The following DLG1 variants were observed in gnomAD, a reference collection of about 807,000 sequenced individuals.
DLG1 encodes discs large MAGUK scaffold protein 1, also known as disks large homolog 1.
In DLG1, 42 loss-of-function variants were observed where a neutral mutation model predicts 123.4. That is an observed-to-expected ratio of 0.34 (90% CI 0.27 to 0.44). The LOEUF (loss-of-function observed/expected upper bound fraction) is 0.44. DLG1 is among the 20% of genes least tolerant of loss of function. DLG1 has a pLI of 1.00. For synonymous variants in DLG1, 317 were observed against 356.2 expected, an observed-to-expected ratio of 0.89 and a Z score of 1.24; for missense variants, 942 against 1,082.6, an observed-to-expected ratio of 0.87 and a Z score of 1.82.
intron 5 of DLG1, among the ~76,000 whole-genome samples, chr3:197,159,819 C>T (rs1352268886): frequency 6.6e-6 from 1 of 152,058 alleles, no homozygotes. Context: ...TGAAGCTATG[C>T]AGAATAAATA....
At chr3:197,297,972 C>T (rs1253529674) in intron 1 of DLG1, 2 of 972,556 alleles carry the variant, frequency 2.1e-6, no homozygotes, top group Non-Finnish European at 2.4e-6. Context: ...CGCACCCCCG[C>T]GGCCTCGTCC....
intron 11 of DLG1, among the ~76,000 whole-genome samples, chr3:197,129,917 G>A (rs2149530801): frequency 6.6e-6 from 1 of 152,130 alleles, no homozygotes; most frequent in East Asian, 1.9e-4. Context: ...TAACATCAAA[G>A]ACTAGTGATC....
rs1328508288 is a variant in DLG1 at position 197,043,210 on chromosome 3, T to C, written c.*1413A>G. On this transcript the variant is annotated 3_prime_UTR_variant, in exon 25 of 25. Coordinates refer to ENST00000667157, the MANE Select transcript of DLG1 (RefSeq NM_001366207.1). ...TGCAATTCTAGTGCAGAGCAGTGGA[T>C]GAAAGCTGTCTGAGGGGAAAACACA... 2.0e-5 allele frequency: 3 copies of C among 152,080 alleles called. No individual in the cohort carries two copies. The highest frequency in any genetic ancestry group is 7.2e-5 in the African/African-American group (3 of 41,444). The allele number at this position is 152,080 out of a possible 1,614,324, so 9.4% of individuals were successfully genotyped here. A position where few individuals can be genotyped will look rare whatever the true frequency, so the allele number is the denominator to read the frequency against.
At chr3:197,097,442 A>G (rs973795525) in intron 14 of DLG1, among the ~76,000 whole-genome samples, 1 of 152,096 alleles carries the variant, frequency 6.6e-6, no homozygotes, top group Non-Finnish European at 1.5e-5. Context: ...TTTGGGGTTC[A>G]TAGGATATCT....
intron 5 of DLG1, among the ~76,000 whole-genome samples, chr3:197,180,077 G>C (rs1393794653): frequency 7.9e-6 from 1 of 127,030 alleles, no homozygotes; most frequent in Non-Finnish European, 1.7e-5. Context: ...TGGGGGGGGG[G>C]GGGCTTTTTG....
chr3:197,103,499 C>T (rs1764664411), intron 14 of DLG1, among the ~76,000 whole-genome samples: 1 of 151,722 alleles, frequency 6.6e-6, no homozygotes, highest in Non-Finnish European at 1.5e-5. Context: ...ACATAGGGTC[C>T]CATTGGCAGA....
chr3:197,242,607 A>G (rs1200169721), intron 4 of DLG1, among the ~76,000 whole-genome samples: 2 of 152,128 alleles, frequency 1.3e-5, no homozygotes, highest in East Asian at 1.9e-4. Flanking sequence ...CACAAAAAGA[A>G]TAAAAATACA....
At chr3:197,188,410 C>T (rs1406347403) in intron 5 of DLG1, among the ~76,000 whole-genome samples, 2 of 152,216 alleles carry the variant, frequency 1.3e-5, no homozygotes, top group African/African-American at 4.8e-5. Context: ...ATACTAATCA[C>T]TGATGTCTAA....
intron 4 of DLG1, among the ~76,000 whole-genome samples, chr3:197,231,594 G>C (rs1290361784): frequency 2.0e-5 from 3 of 151,712 alleles, no homozygotes; most frequent in African/African-American, 7.3e-5. Context: ...CCAGCTACTC[G>C]GGGGGCTGAG....
Position 197,043,356 on chromosome 3 carries a change from A to T in DLG1, c.*1267T>A, listed in dbSNP as rs963626090. On this transcript the variant is annotated 3_prime_UTR_variant, in exon 25 of 25. Coordinates refer to ENST00000667157, the MANE Select transcript of DLG1 (RefSeq NM_001366207.1). ...AGTAACAACACGGACAACAACAAAAAACCTCAGGAACCATTTGAAAACCTT... is the reference window on the plus strand; with the variant it reads ...AGTAACAACACGGACAACAACAAAATACCTCAGGAACCATTTGAAAACCTT... The T allele has an allele frequency of 3.9e-5, 6 of 152,138 alleles. No individual in the cohort carries two copies. The highest frequency in any genetic ancestry group is 1.4e-4 in the African/African-American group (6 of 41,424). The allele number at this position is 152,138 out of a possible 1,614,324, so 9.4% of individuals were successfully genotyped here.
chr3:197,065,188 T>C lies in DLG1; in HGVS notation c.2373+88A>G, dbSNP rs553746655. 119 of 1,218,632 alleles carry C rather than the reference T, an allele frequency of 9.8e-5. 1 individual carries two copies. The South Asian group carries it at 2.6e-3, about 27-fold the overall frequency. 75.5% of individuals were successfully genotyped at this position (1,218,632 alleles called of 1,614,324 possible). A position where few individuals can be genotyped will look rare whatever the true frequency, so the allele number is the denominator to read the frequency against. On this transcript the variant is annotated intron_variant, in intron 22 of 24. Transcript: ENST00000667157. ...AAATTCATCACATTAACAAAACTAA[T>C]TAGTGCTGTATCTATCCTACCAGTC...
intron 4 of DLG1, among the ~76,000 whole-genome samples, chr3:197,246,697 G>A (rs906713900): frequency 5.3e-5 from 8 of 152,168 alleles, no homozygotes; most frequent in Admixed American, 5.2e-4. Context: ...TTAATGAAAA[G>A]GTGAAATGAT....
chr3:197,150,641 C>CTTA (rs1793404354), intron 5 of DLG1, among the ~76,000 whole-genome samples: 2 of 152,018 alleles, frequency 1.3e-5, no homozygotes, highest in South Asian at 4.1e-4. Flanking sequence ...AGAAGATATG[C>CTTA]TTACACACAT....
chr3:197,161,657 G>T, intron 5 of DLG1: 1 of 1,545,242 alleles, frequency 6.5e-7, no homozygotes, highest in African/African-American at 1.4e-5. Context: ...ATGGTGGGTA[G>T]GATGACAGTA....
chr3:197,050,781 T>C (rs1727056129), intron 24 of DLG1, among the ~76,000 whole-genome samples: 1 of 152,134 alleles, frequency 6.6e-6, no homozygotes, highest in African/African-American at 2.4e-5. Context: ...AGAGTAGATC[T>C]TAAGAGTCTT....
intron 19 of DLG1, chr3:197,068,452 T>A: frequency 8.1e-7 from 1 of 1,238,660 alleles, no homozygotes; most frequent in South Asian, 1.3e-5. Context: ...GTTAAAAGTA[T>A]ATACTGTCAA....
chr3:197,145,121 G>C (rs1199346606), intron 6 of DLG1, among the ~76,000 whole-genome samples: 1 of 151,952 alleles, frequency 6.6e-6, no homozygotes, highest in Non-Finnish European at 1.5e-5. Flanking sequence ...GTAACTTCAA[G>C]AGCTGTGTTG....
intron 4 of DLG1, among the ~76,000 whole-genome samples, chr3:197,282,400 A>T (rs1769821935): frequency 6.6e-6 from 1 of 152,206 alleles, no homozygotes; most frequent in Admixed American, 6.5e-5. Flanking sequence ...CACACAGATG[A>T]AGCCTTGTTG....
intron 1 of DLG1, chr3:197,297,838 C>G (rs1778261054): frequency 1.0e-6 from 1 of 985,300 alleles, no homozygotes; most frequent in Non-Finnish European, 1.2e-6. Context: ...AACTGGGGTG[C>G]GCCCCGGCCA....
Sources: allele counts gnomAD v4.1 joint callset (sites outside exome capture counted in the v4.1 genomes callset), GRCh38; gene constraint gnomAD v4.1.1; transcripts MANE v1.5; gene names NCBI Gene and HGNC (gene_info 2026-07-23, HGNC 2026-07-21).